CYP19A1: variants seen among roughly 807,000 people sequenced by gnomAD.
CYP19A1 encodes cytochrome P450 family 19 subfamily A member 1.
CYP19A1 carries 32 observed loss-of-function variants against 44.4 expected under a neutral mutation model. The ratio of observed to expected loss-of-function variants is 0.72; its 90% confidence interval spans 0.54 to 0.97. The LOEUF (loss-of-function observed/expected upper bound fraction) is 0.97, where lower values mean the gene tolerates loss of function less well. CYP19A1 is among the 50% of genes least tolerant of loss of function. The pLI, the probability that CYP19A1 is intolerant of heterozygous loss-of-function variation, is 0.00. For missense variants in CYP19A1, 598 were observed against 637.8 expected (o/e 0.94, Z 0.67); for synonymous variants, 212 against 215.6 (o/e 0.98, Z 0.14).
chr15:51,296,577 A>C (rs2035999610), intron 1 of CYP19A1, among the ~76,000 whole-genome samples: 1 of 152,148 alleles, frequency 6.6e-6, no homozygotes, highest in African/African-American at 2.4e-5. Context: ...AATGAGGTAC[A>C]TTTTTCATAG....
At chr15:51,216,913 C>T (rs2031632387) in intron 6 of CYP19A1, among the ~76,000 whole-genome samples, 1 of 152,130 alleles carries the variant, frequency 6.6e-6, no homozygotes, top group Non-Finnish European at 1.5e-5. Flanking sequence ...TTTTTCTTAT[C>T]TCTGTCCTTA....
chr15:51,222,511 C>G lies in CYP19A1; in HGVS notation c.466G>C (p.Gly156Arg), dbSNP rs757460733. ...CAGACTGTGACCATACGAACAAGGCCGGGGCCTGACAGAGCTGCAGAGTAC... is the reference window on the plus strand; with the variant it reads ...CAGACTGTGACCATACGAACAAGGCGGGGGCCTGACAGAGCTGCAGAGTAC... ...PFFMKALSGP[G>R]LVRMVTVCAE... The change falls in exon 5 of 10, where the codon GGC becomes CGC. Residue 156 changes from glycine (G) to arginine (R), a missense_variant. Gly to Arg is a moderately radical substitution (Grantham distance 125). Coordinates refer to ENST00000396402, the MANE Select transcript of CYP19A1 (RefSeq NM_000103.4). The G allele has an allele frequency of 1.9e-6, 3 of 1,613,676 alleles. No homozygotes were observed. The South Asian group carries it at 3.3e-5, about 18-fold the overall frequency.
chr15:51,234,542 A>G (rs1042409200), intron 3 of CYP19A1, among the ~76,000 whole-genome samples: 1 of 152,178 alleles, frequency 6.6e-6, no homozygotes, highest in South Asian at 2.1e-4. Flanking sequence ...GCATCGAAAT[A>G]TCTAGTATCT....
At chr15:51,336,675 T>A (rs2036780783) in intron 1 of CYP19A1, among the ~76,000 whole-genome samples, 1 of 152,204 alleles carries the variant, frequency 6.6e-6, no homozygotes. Context: ...TTGAATTTGA[T>A]TTTATTCTCC....
intron 1 of CYP19A1, among the ~76,000 whole-genome samples, chr15:51,256,864 A>G (rs1182834969): frequency 6.6e-6 from 1 of 152,230 alleles, no homozygotes; most frequent in Non-Finnish European, 1.5e-5. Flanking sequence ...AAGAAGAAAA[A>G]TATCCCACTG....
intron 1 of CYP19A1, among the ~76,000 whole-genome samples, chr15:51,271,348 TA>T (rs1034827991): frequency 5.3e-5 from 8 of 152,282 alleles, no homozygotes; most frequent in Non-Finnish European, 8.8e-5. Context: ...AATGTACCCA[TA>T]AAAAATTATA....
chr15:51,318,189 A>T (rs1244198905), intron 1 of CYP19A1, among the ~76,000 whole-genome samples: 1 of 150,918 alleles, frequency 6.6e-6, no homozygotes, highest in Non-Finnish European at 1.5e-5. Context: ...TACATGATCT[A>T]ATTTACTGCC....
chr15:51,211,795 A>T (rs1239888908), intron 9 of CYP19A1: 6 of 307,826 alleles, frequency 1.9e-5, no homozygotes, highest in African/African-American at 1.3e-4. Context: ...CATCAATTAT[A>T]AAAAAAGAAA....
intron 1 of CYP19A1, among the ~76,000 whole-genome samples, chr15:51,243,409 C>G (rs547415930): frequency 6.6e-6 from 1 of 152,142 alleles, no homozygotes; most frequent in Admixed American, 6.5e-5. Context: ...CCCTTTTTGA[C>G]CAAAATGACT....
intron 1 of CYP19A1, among the ~76,000 whole-genome samples, chr15:51,317,776 A>G (rs1244873427): frequency 6.6e-6 from 1 of 152,166 alleles, no homozygotes; most frequent in South Asian, 2.1e-4. Context: ...TCTTGTTCCA[A>G]TGTACAAATG....
At chr15:51,231,322 G>A (rs2033012572) in intron 3 of CYP19A1, among the ~76,000 whole-genome samples, 1 of 152,178 alleles carries the variant, frequency 6.6e-6, no homozygotes, top group Non-Finnish European at 1.5e-5. Context: ...TGTGGGATAT[G>A]TTATAGCTGA....
chr15:51,288,957 A>T (rs1169500997), intron 1 of CYP19A1, among the ~76,000 whole-genome samples: 1 of 152,222 alleles, frequency 6.6e-6, no homozygotes. Context: ...CCTCCCCGCA[A>T]CATAACTGCA....
chr15:51,225,783 C>A (rs1430747136), intron 4 of CYP19A1, among the ~76,000 whole-genome samples: 1 of 151,986 alleles, frequency 6.6e-6, no homozygotes, highest in African/African-American at 2.4e-5. Context: ...ATGGGGTGGG[C>A]CAAACCTAAT....
chr15:51,323,209 CA>C (rs766016944), intron 1 of CYP19A1, among the ~76,000 whole-genome samples: 2 of 152,302 alleles, frequency 1.3e-5, no homozygotes, highest in Non-Finnish European at 2.9e-5. Flanking sequence ...GGGTGGCCCA[CA>C]ATTGCTCACC....
chr15:51,288,135 G>A lies in CYP19A1; in HGVS notation c.-38-45185C>T, dbSNP rs28757124. On this transcript the variant is annotated intron_variant, in intron 1 of 9. Transcript: ENST00000396402. ...TCCTATCCCTGGCCTGCTGGTGTTGGTAGCGCTCAGCAGTTGTGCAGTGAT... is the reference window on the plus strand; with the variant it reads ...TCCTATCCCTGGCCTGCTGGTGTTGATAGCGCTCAGCAGTTGTGCAGTGAT... 5.5e-3 allele frequency among the ~76,000 whole-genome samples: 834 copies of A among 152,234 alleles called. 11 individuals carry two copies. The highest frequency in any genetic ancestry group is 0.019 in the African/African-American group (804 of 41,524).
At chr15:51,230,211 A>T (rs1040854210) in intron 3 of CYP19A1, among the ~76,000 whole-genome samples, 1 of 152,248 alleles carries the variant, frequency 6.6e-6, no homozygotes, top group Non-Finnish European at 1.5e-5. Flanking sequence ...GTGATGAACT[A>T]AGGACCCCAG....
At chr15:51,284,026 G>A (rs1332622289) in intron 1 of CYP19A1, among the ~76,000 whole-genome samples, 1 of 152,182 alleles carries the variant, frequency 6.6e-6, no homozygotes, top group African/African-American at 2.4e-5. Context: ...TTTGAAAGGT[G>A]TTGCTGTGCA....
intron 1 of CYP19A1, among the ~76,000 whole-genome samples, chr15:51,245,610 G>A (rs953866308): frequency 6.6e-5 from 10 of 152,224 alleles, no homozygotes; most frequent in African/African-American, 2.2e-4. Context: ...GAAAATTTTT[G>A]CAACCTACTC....
intron 1 of CYP19A1, among the ~76,000 whole-genome samples, chr15:51,316,433 TAAGTG>T: frequency 6.6e-6 from 1 of 152,368 alleles, no homozygotes; most frequent in South Asian, 2.1e-4. Flanking sequence ...TAAAATGAGT[TAAGTG>T]TTTTGTAATA....
Sources: allele counts gnomAD v4.1 joint callset (sites outside exome capture counted in the v4.1 genomes callset), GRCh38; gene constraint gnomAD v4.1.1; transcripts MANE v1.5; gene names NCBI Gene and HGNC (gene_info 2026-07-23, HGNC 2026-07-21).